Variants in RBFOX1 observed in about 807,000 individuals in gnomAD.
RBFOX1 encodes the protein RNA binding protein fox-1 homolog 1.
A neutral mutation model predicts 57.7 loss-of-function variants in RBFOX1; 8 were observed. That is an observed-to-expected ratio of 0.14 (90% CI 0.08 to 0.25). The LOEUF (loss-of-function observed/expected upper bound fraction) is 0.25. Among genes scored for constraint, RBFOX1 ranks in the 10% least tolerant of loss-of-function variants. The pLI is 1.00. For missense variants in RBFOX1, 611 were observed against 548.5 expected (o/e 1.11, Z -1.14); for synonymous variants, 326 against 222.4 (o/e 1.47, Z -4.15).
At chr16:5,348,988 G>A (rs995165718) in intron 1 of RBFOX1, among the ~76,000 whole-genome samples, 4 of 152,136 alleles carry the variant, frequency 2.6e-5, no homozygotes, top group African/African-American at 9.7e-5. Flanking sequence ...TTTGAGAAAC[G>A]TCCATCTTGT....
At chr16:7,554,227 A>C (rs1043230490) in intron 5 of RBFOX1, among the ~76,000 whole-genome samples, 5 of 152,210 alleles carry the variant, frequency 3.3e-5, no homozygotes, top group African/African-American at 1.2e-4. Flanking sequence ...TAGGGGAACA[A>C]AGAGTAGCAG....
At chr16:5,410,397 A>G (rs1400765260) in intron 1 of RBFOX1, among the ~76,000 whole-genome samples, 1 of 151,992 alleles carries the variant, frequency 6.6e-6, no homozygotes, top group Non-Finnish European at 1.5e-5. Context: ...ATAAAAAATC[A>G]TTGTGCATGT....
chr16:5,669,092 A>C (rs567120016), intron 3 of RBFOX1, among the ~76,000 whole-genome samples: 1 of 152,196 alleles, frequency 6.6e-6, no homozygotes, highest in African/African-American at 2.4e-5. Context: ...TCTCAATTCA[A>C]ACCAAGTTGA....
chr16:5,784,235 CGTG>C (rs1212589042), intron 3 of RBFOX1, among the ~76,000 whole-genome samples: 10 of 152,174 alleles, frequency 6.6e-5, no homozygotes, highest in Admixed American at 6.5e-5. Flanking sequence ...TCCTGGCTAA[CGTG>C]GTGAAACCCC....
chr16:6,315,094 C>G lies in RBFOX1; in HGVS notation c.-126-1901C>G, dbSNP rs543350446. On this transcript the variant is annotated intron_variant, in intron 1 of 15. Coordinates refer to ENST00000550418, the MANE Select transcript of RBFOX1 (RefSeq NM_018723.4). ...AAAAGCACCGACTTTGTGCTAAGCA[C>G]AATGCTACTTGTTTTACAAATATTA... 2.0e-5 allele frequency among the ~76,000 whole-genome samples: 3 copies of G among 152,340 alleles called. No individual in the cohort carries two copies. The East Asian group carries it at 5.8e-4, about 29-fold the overall frequency.
At chr16:5,341,950 G>C (rs1379195462) in intron 1 of RBFOX1, among the ~76,000 whole-genome samples, 1 of 152,208 alleles carries the variant, frequency 6.6e-6, no homozygotes, top group African/African-American at 2.4e-5. Context: ...CATTCTGAAA[G>C]AGGTGAGATT....
chr16:7,670,134 C>G lies in RBFOX1; in HGVS notation c.930+5166C>G, dbSNP rs61334334. ...GCAACCTCTGCCTCCCAGGTTCAAG[C>G]AATTCTCCTGCCTTAGCCTCCCAGA... is the stretch of plus-strand genomic sequence containing the variant. On this transcript the variant is annotated intron_variant, in intron 13 of 15. Transcript: ENST00000550418. Among the ~76,000 whole-genome samples, 656 of 152,230 alleles carry G rather than the reference C, an allele frequency of 4.3e-3. 3 individuals are homozygous for G. The highest frequency in any genetic ancestry group is 0.015 in the African/African-American group (638 of 41,552).
chr16:6,726,281 G>C (rs915445169), intron 3 of RBFOX1, among the ~76,000 whole-genome samples: 3 of 151,914 alleles, frequency 2.0e-5, no homozygotes, highest in African/African-American at 7.3e-5. Flanking sequence ...CTGGTTTTAT[G>C]TAACATTTCC....
rs554938952 is a variant in RBFOX1 at position 7,109,313 on chromosome 16, C to G, written c.27+57215C>G. ...CTGTCCCCCTTCTCCCTTGACCATGCCGTGAAACAAAGAGAAAATGAACAA... is the reference window on the plus strand; with the variant it reads ...CTGTCCCCCTTCTCCCTTGACCATGGCGTGAAACAAAGAGAAAATGAACAA... On this transcript the variant is annotated intron_variant, in intron 4 of 15. Coordinates refer to ENST00000550418, the MANE Select transcript of RBFOX1 (RefSeq NM_018723.4). Among the ~76,000 whole-genome samples the G allele has an allele frequency of 4.2e-4, 64 of 152,240 alleles. 2 individuals are homozygous for G. In the South Asian group the frequency reaches 0.012, roughly 29 times the overall value.
intron 2 of RBFOX1, among the ~76,000 whole-genome samples, chr16:6,526,829 CAAAAAAAAAAAAAAAAAAAAAAAA>C (rs541468859): frequency 6.1e-5 from 2 of 32,896 alleles, no homozygotes; most frequent in African/African-American, 2.2e-4. Context: ...GACTCTGTCT[CAAAAAAAAAAAAAAAAAAAAAAAA>C]AAAAAACAAC....
intron 14 of RBFOX1, among the ~76,000 whole-genome samples, chr16:7,693,127 C>G (rs922507622): frequency 6.6e-6 from 1 of 152,080 alleles, no homozygotes; most frequent in African/African-American, 2.4e-5. Context: ...ATTACCATGA[C>G]TTTAAGAGGT....
Position 6,804,917 on chromosome 16 carries a change from T to G in RBFOX1, c.-16+150267T>G, listed in dbSNP as rs542262027. ...TTAACTGAAAAACAAAAAGCGAGAT[T>G]CAAAGACTTCTCATATGCTGTTGGT... On this transcript the variant is annotated intron_variant, in intron 3 of 15. Transcript: ENST00000550418. Among the ~76,000 whole-genome samples, 77 of 152,276 alleles carry G rather than the reference T, an allele frequency of 5.1e-4. 1 individual carries two copies. Among genetic ancestry groups the G allele is most frequent in the Non-Finnish European group, 6.8e-4 (46 of 68,024 alleles).
intron 3 of RBFOX1, among the ~76,000 whole-genome samples, chr16:6,833,711 G>C (rs142018553): frequency 1.3e-5 from 2 of 152,182 alleles, no homozygotes; most frequent in African/African-American, 4.8e-5. Context: ...ACCAGAGAAA[G>C]ACTCTAGATG....
intron 3 of RBFOX1, among the ~76,000 whole-genome samples, chr16:5,662,318 GCTCT>G (rs2049681673): frequency 6.6e-6 from 1 of 151,940 alleles, no homozygotes; most frequent in African/African-American, 2.4e-5. Flanking sequence ...TTGTGTGAAC[GCTCT>G]CTCTCCATGT....
At chr16:6,773,873 T>A in intron 3 of RBFOX1, 1 of 842,356 alleles carries the variant, frequency 1.2e-6, no homozygotes, top group Non-Finnish European at 1.4e-6. Flanking sequence ...GTAGGGTGCG[T>A]TTGTCTGTGT....
At chr16:5,325,966 A>C (rs28582202) in intron 1 of RBFOX1, among the ~76,000 whole-genome samples, 1 of 152,166 alleles carries the variant, frequency 6.6e-6, no homozygotes, top group African/African-American at 2.4e-5. Context: ...GCTAGGTCCT[A>C]TTGTGCTTAC....
At chr16:6,411,221 G>A (rs190712423) in intron 2 of RBFOX1, among the ~76,000 whole-genome samples, 3 of 152,310 alleles carry the variant, frequency 2.0e-5, no homozygotes, top group Non-Finnish European at 2.9e-5. Context: ...GGGGCAAGCA[G>A]TTCTCCTGCT....
intron 3 of RBFOX1, among the ~76,000 whole-genome samples, chr16:5,827,741 A>G (rs1488335022): frequency 1.3e-5 from 2 of 152,086 alleles, no homozygotes; most frequent in African/African-American, 4.8e-5. Context: ...TATAATGGCC[A>G]TCTTCCTCTG....
chr16:5,739,410 T>C (rs1344546650), intron 3 of RBFOX1, among the ~76,000 whole-genome samples: 3 of 152,316 alleles, frequency 2.0e-5, no homozygotes, highest in East Asian at 1.9e-4. Context: ...GTGGCACTTG[T>C]GTCTGGTAGG....
Sources: gnomAD v4.1 joint callset for allele counts (sites outside exome capture counted in the v4.1 genomes callset) on GRCh38, gnomAD v4.1.1 for gene constraint, MANE v1.5 for transcripts, NCBI Gene and HGNC (gene_info 2026-07-23, HGNC 2026-07-21) for gene names.